Variants in NDE1 observed in about 807,000 individuals in gnomAD.
NDE1 encodes nuclear distribution protein nudE homolog 1.
A neutral mutation model predicts 43.4 loss-of-function variants in NDE1; 28 were observed. The observed-to-expected ratio is 0.65, with a 90% CI of 0.48 to 0.89. The LOEUF (loss-of-function observed/expected upper bound fraction) is 0.89, where lower values mean the gene tolerates loss of function less well. Among genes scored for constraint, NDE1 ranks in the 40% least tolerant of loss-of-function variants. The pLI, the probability that NDE1 is intolerant of heterozygous loss-of-function variation, is 0.00. For synonymous variants in NDE1, 184 were observed against 172.0 expected (o/e 1.07, Z -0.55); for missense variants, 441 against 434.1 (o/e 1.02, Z -0.14).
At chr16:15,678,115 G>A (rs1045760241) in intron 4 of NDE1, among the ~76,000 whole-genome samples, 166 bp downstream of exon 4, 1 of 152,156 alleles carries the variant, frequency 6.6e-6, no homozygotes, top group Non-Finnish European at 1.5e-5. Context: ...GACAATAGTC[G>A]AAGAAGTGCA....
upstream of NDE1, among the ~76,000 whole-genome samples, chr16:15,646,426 A>G (rs2036330426): frequency 6.6e-6 from 1 of 151,960 alleles, no homozygotes; most frequent in African/African-American, 2.4e-5. Flanking sequence ...TACTAAAACT[A>G]CAAAATTAGC....
intron 6 of NDE1, 87 bp from the exon 7 acceptor site, chr16:15,694,078 T>C (rs2038888470): frequency 2.0e-6 from 3 of 1,475,586 alleles, no homozygotes; most frequent in Non-Finnish European, 2.8e-6. Flanking sequence ...GTGTCCCTCC[T>C]GTCCCGTGGT....
At chr16:15,651,317 G>A (rs2036489102) in intron 1 of NDE1, among the ~76,000 whole-genome samples, 1 of 151,964 alleles carries the variant, frequency 6.6e-6, no homozygotes, top group South Asian at 2.1e-4. Flanking sequence ...AGCATAGGAT[G>A]GCATTTTAGG....
intron 3 of NDE1, among the ~76,000 whole-genome samples, chr16:15,671,953 G>A (rs942302816): frequency 2.0e-5 from 3 of 152,044 alleles, no homozygotes; most frequent in Non-Finnish European, 4.4e-5. Context: ...CTCTCAAAGT[G>A]CTGGGATTAC....
chr16:15,694,876 T>G (rs897941110), intron 7 of NDE1: 64 of 985,234 alleles, frequency 6.5e-5, no homozygotes, highest in Non-Finnish European at 7.6e-5. Context: ...AAGGAGCACT[T>G]GGAAACTGCC....
At position 15,725,628 on chromosome 16, in the gene NDE1, T is replaced by A; in HGVS notation, c.*1377T>A. 2.5e-6 allele frequency: 1 copy of A among 401,396 alleles called. No individual in the cohort carries two copies. Among genetic ancestry groups the A allele is most frequent in the Non-Finnish European group, 4.4e-6 (1 of 227,770 alleles). 24.9% of individuals were successfully genotyped at this position (401,396 alleles called of 1,614,324 possible). ...AGGATATGAATGATCTTGACACTGC[T>A]TATATGAGGGCGGCAAAAGCCCTGC... On this transcript the variant is annotated 3_prime_UTR_variant, in exon 9 of 9. Coordinates refer to ENST00000396354, the MANE Select transcript of NDE1 (RefSeq NM_017668.3).
chr16:15,706,361 G>A (rs886541714), intron 8 of NDE1, among the ~76,000 whole-genome samples: 1 of 152,106 alleles, frequency 6.6e-6, no homozygotes, highest in Non-Finnish European at 1.5e-5. Context: ...ACTGTTCCCT[G>A]TACGCTCCCC....
intron 1 of NDE1, among the ~76,000 whole-genome samples, chr16:15,654,861 A>G (rs1230615994): frequency 6.6e-6 from 1 of 150,918 alleles, no homozygotes; most frequent in African/African-American, 2.4e-5. Flanking sequence ...TAAAGAAGAT[A>G]ATGTTTGCAA....
chr16:15,673,898 AG>A (rs1250704106), intron 3 of NDE1, among the ~76,000 whole-genome samples: 1 of 152,116 alleles, frequency 6.6e-6, no homozygotes, highest in African/African-American at 2.4e-5. Context: ...GAGATGGTTT[AG>A]GGCTGGTTAG....
At chr16:15,719,666 G>A (rs1431318973) in intron 8 of NDE1, 3 of 1,614,044 alleles carry the variant, frequency 1.9e-6, no homozygotes, top group Non-Finnish European at 2.5e-6. Context: ...TCTCATCTCT[G>A]GAGGCACGGG....
intron 8 of NDE1, among the ~76,000 whole-genome samples, chr16:15,706,873 G>T (rs980500757): frequency 6.6e-6 from 1 of 152,144 alleles, no homozygotes; most frequent in African/African-American, 2.4e-5. Context: ...GCCCTGGGCC[G>T]TTGAAGCTCC....
chr16:15,702,728 GTGTT>G (rs1470992666), intron 8 of NDE1, among the ~76,000 whole-genome samples: 1 of 152,122 alleles, frequency 6.6e-6, no homozygotes, highest in Non-Finnish European at 1.5e-5. Flanking sequence ...TTTGTGGAAA[GTGTT>G]TGCTGACTCA....
In NDE1 at chr16:15,718,707, A is replaced by G. The variant is rs930080532; in HGVS notation, c.948-5484A>G. ...TCCTGGCCTCCCCTTCTCCCCACACAGCTACTTATTGGGAATGAATGAAAG... is the reference window on the plus strand; with the variant it reads ...TCCTGGCCTCCCCTTCTCCCCACACGGCTACTTATTGGGAATGAATGAAAG... On this transcript the variant is annotated intron_variant, in intron 8 of 8. Coordinates refer to ENST00000396354, the MANE Select transcript of NDE1 (RefSeq NM_017668.3). 63 of 556,086 alleles carry G rather than the reference A, an allele frequency of 1.1e-4. 1 individual carries two copies. Among genetic ancestry groups the G allele is most frequent in the Non-Finnish European group, 1.3e-4 (41 of 311,766 alleles). 34.4% of individuals were successfully genotyped at this position (556,086 alleles called of 1,614,324 possible). A position where few individuals can be genotyped will look rare whatever the true frequency, so the allele number is the denominator to read the frequency against.
intron 3 of NDE1, among the ~76,000 whole-genome samples, chr16:15,668,755 G>T (rs2151449922): frequency 6.6e-6 from 1 of 152,336 alleles, no homozygotes; most frequent in East Asian, 1.9e-4. Context: ...GGACAGAGGG[G>T]CTGCAGACCA....
At chr16:15,700,104 G>A (rs369001551) in intron 8 of NDE1, 36 of 1,131,776 alleles carry the variant, frequency 3.2e-5, no homozygotes, top group African/African-American at 6.6e-5. Flanking sequence ...TGAGGCTACC[G>A]TGTTGTTTTT....
Position 15,696,834 on chromosome 16 carries a change from C to A in NDE1, c.921C>A (p.Ser307Arg), listed in dbSNP as rs368310178. 388 of 1,614,058 alleles carry A rather than the reference C, an allele frequency of 2.4e-4. No homozygotes were observed. The highest frequency in any genetic ancestry group is 3.2e-4 in the Non-Finnish European group (374 of 1,180,042). ...NRDGGERRPS[S>R]TSVPLGDKGL... ...ATGGCGGGGAGAGACGGCCAAGCAG[C>A]ACCAGCGTGCCTTTGGGTGATAAGG... Residue 307 changes from serine (S) to arginine (R), a missense_variant, in exon 8 of 9, where the codon AGC becomes AGA. By Grantham distance (110) the Ser-to-Arg change is moderately radical. Coordinates refer to ENST00000396354, the MANE Select transcript of NDE1 (RefSeq NM_017668.3).
chr16:15,701,982 G>T (rs541247238), intron 8 of NDE1: 1 of 152,326 alleles, frequency 6.6e-6, no homozygotes, highest in East Asian at 1.9e-4. Context: ...TTCCCACAGA[G>T]TGGTGAAAAA....
chr16:15,689,998 T>C (rs1056494068), intron 5 of NDE1, among the ~76,000 whole-genome samples: 2 of 151,484 alleles, frequency 1.3e-5, no homozygotes, highest in African/African-American at 4.9e-5. Flanking sequence ...CCACATGTTA[T>C]GGTGATGATG....
At chr16:15,689,538 A>G (rs1052174371) in intron 5 of NDE1, among the ~76,000 whole-genome samples, 2 of 152,184 alleles carry the variant, frequency 1.3e-5, no homozygotes, top group East Asian at 1.9e-4. Flanking sequence ...TGGGGAGAGT[A>G]AGTCATACAC....
Sources: gnomAD v4.1 joint callset for allele counts (sites outside exome capture counted in the v4.1 genomes callset) on GRCh38, gnomAD v4.1.1 for gene constraint, MANE v1.5 for transcripts, NCBI Gene and HGNC (gene_info 2026-07-23, HGNC 2026-07-21) for gene names.